RIMS1: variants seen among roughly 807,000 people sequenced by gnomAD.
The protein encoded by RIMS1 is regulating synaptic membrane exocytosis 1.
A neutral mutation model predicts 214.1 loss-of-function variants in RIMS1; 83 were observed. The observed-to-expected ratio is 0.39, with a 90% CI of 0.32 to 0.47. The LOEUF (loss-of-function observed/expected upper bound fraction) is 0.47, where lower values mean the gene tolerates loss of function less well. Ranked by LOEUF, RIMS1 falls within the 20% of genes least tolerant of loss-of-function variation. The pLI is 0.99. For synonymous variants in RIMS1, 793 were observed against 786.8 expected (o/e 1.01, Z -0.13); for missense variants, 2,050 against 2,161.8 (o/e 0.95, Z 1.03).
chr6:72,065,644 A>C (rs900003213), intron 2 of RIMS1, among the ~76,000 whole-genome samples: 1 of 152,118 alleles, frequency 6.6e-6, no homozygotes, highest in African/African-American at 2.4e-5. Context: ...ACTTTATCAA[A>C]GGTTTTGCCT....
rs1178547921 is a variant in RIMS1 at position 72,163,111 on chromosome 6, C to T, written c.472-16464C>T. Among the ~76,000 whole-genome samples, 12 of 139,044 alleles carry T rather than the reference C, an allele frequency of 8.6e-5. 1 individual carries two copies. Among genetic ancestry groups the T allele is most frequent in the African/African-American group, 3.0e-4 (12 of 40,420 alleles). 91.2% of individuals were successfully genotyped at this position (139,044 alleles called of 152,430 possible). On this transcript the variant is annotated intron_variant, in intron 4 of 33. Transcript: ENST00000521978. ...TCTTTTTATTATTTTTTTCTCTAAT[C>T]TTCTCTTCTCACTTCATTTCATTTC...
chr6:71,936,141 G>A (rs1453458912), intron 1 of RIMS1, among the ~76,000 whole-genome samples: 1 of 151,666 alleles, frequency 6.6e-6, no homozygotes, highest in African/African-American at 2.4e-5. Flanking sequence ...ACGAGGTCAG[G>A]AGATCGAGAC....
intron 2 of RIMS1, among the ~76,000 whole-genome samples, chr6:72,037,649 C>T (rs774794845): frequency 2.6e-5 from 4 of 152,024 alleles, no homozygotes; most frequent in Non-Finnish European, 5.9e-5. Flanking sequence ...GTAAACATAT[C>T]CATCACCTTC....
At chr6:71,977,021 C>T (rs200109370) in intron 2 of RIMS1, among the ~76,000 whole-genome samples, 35 of 152,198 alleles carry the variant, frequency 2.3e-4, no homozygotes, top group Middle Eastern at 3.4e-3. Context: ...CTTCAGACTG[C>T]GTGGTCTAAT....
In RIMS1 at chr6:72,107,443, A is replaced by G. The variant is rs184180784; in HGVS notation, c.471+7457A>G. ...AGGCGTGGTGGCAGGTGCCTGTACT[A>G]CCAGCTACTTGGGAGGCTGAAGTGG... On this transcript the variant is annotated intron_variant, in intron 4 of 33. Coordinates refer to ENST00000521978, the MANE Select transcript of RIMS1 (RefSeq NM_014989.7). 1.4e-3 allele frequency among the ~76,000 whole-genome samples: 214 copies of G among 152,150 alleles called. 1 individual carries two copies. Among genetic ancestry groups the G allele is most frequent in the African/African-American group, 4.8e-3 (198 of 41,520 alleles).
intron 29 of RIMS1, among the ~76,000 whole-genome samples, chr6:72,335,731 T>TGTTTC: frequency 1.3e-5 from 2 of 152,076 alleles, no homozygotes; most frequent in South Asian, 4.2e-4. Flanking sequence ...CTCTCAAGCA[T>TGTTTC]CTGTTGTTTC....
chr6:72,354,053 C>T (rs545576169), intron 29 of RIMS1, among the ~76,000 whole-genome samples: 5 of 152,208 alleles, frequency 3.3e-5, no homozygotes, highest in East Asian at 3.9e-4. Context: ...AACCCCGTCT[C>T]TACTGCAAAT....
At chr6:71,974,517 C>T (rs546979165) in intron 2 of RIMS1, among the ~76,000 whole-genome samples, 1 of 152,106 alleles carries the variant, frequency 6.6e-6, no homozygotes, top group Admixed American at 6.6e-5. Context: ...TTTAAAAAGT[C>T]CGAGAAAGAC....
At chr6:71,979,811 A>G (rs577802837) in intron 2 of RIMS1, among the ~76,000 whole-genome samples, 2 of 152,152 alleles carry the variant, frequency 1.3e-5, no homozygotes, top group Non-Finnish European at 2.9e-5. Context: ...GTATTTGGAA[A>G]ATTTTCCTAA....
At chr6:71,921,665 C>T (rs537435141) in intron 1 of RIMS1, among the ~76,000 whole-genome samples, 1 of 152,082 alleles carries the variant, frequency 6.6e-6, no homozygotes, top group Admixed American at 6.6e-5. Flanking sequence ...TTTTTGAAGG[C>T]TTTTTTCATA....
intron 23 of RIMS1, among the ~76,000 whole-genome samples, chr6:72,275,143 T>C (rs1426606033): frequency 1.2e-4 from 1 of 8,002 alleles, no homozygotes; most frequent in Middle Eastern, 0.024. Context: ...TATATATATA[T>C]ATATATATAT....
At chr6:71,914,560 G>A (rs1479640166) in intron 1 of RIMS1, among the ~76,000 whole-genome samples, 1 of 152,080 alleles carries the variant, frequency 6.6e-6, no homozygotes, top group Non-Finnish European at 1.5e-5. Context: ...TATGTTAAGA[G>A]TAATTTAGAT....
intron 12 of RIMS1, among the ~76,000 whole-genome samples, chr6:72,249,956 T>A (rs1019801672): frequency 1.5e-4 from 23 of 152,290 alleles, no homozygotes; most frequent in Admixed American, 1.5e-3. Context: ...TTAGTCACGC[T>A]ATAATAATTT....
chr6:72,033,804 G>T (rs1363809548), intron 2 of RIMS1, among the ~76,000 whole-genome samples: 2 of 151,954 alleles, frequency 1.3e-5, no homozygotes, highest in East Asian at 1.9e-4. Context: ...TTGTTGTTTG[G>T]CATGAACATT....
chr6:72,369,216 T>G (rs2098138861), intron 29 of RIMS1, among the ~76,000 whole-genome samples: 1 of 151,770 alleles, frequency 6.6e-6, no homozygotes, highest in South Asian at 2.1e-4. Context: ...AATCTCAATA[T>G]GGGAAGACCA....
chr6:72,356,567 T>C (rs899380001), intron 29 of RIMS1, among the ~76,000 whole-genome samples: 1 of 151,094 alleles, frequency 6.6e-6, no homozygotes, highest in Non-Finnish European at 1.5e-5. Flanking sequence ...AAGACCAGTC[T>C]GGCTAACATG....
intron 6 of RIMS1, among the ~76,000 whole-genome samples, chr6:72,185,799 T>A (rs2049014436): frequency 1.3e-5 from 2 of 152,202 alleles, no homozygotes; most frequent in South Asian, 4.1e-4. Flanking sequence ...TTACACCAGG[T>A]GTGCCTGCCT....
chr6:72,261,139 CA>C, intron 19 of RIMS1: 6 of 1,066,422 alleles, frequency 5.6e-6, no homozygotes, highest in East Asian at 8.0e-5. Context: ...CTGTGTATGG[CA>C]GTGTCATTGT....
intron 1 of RIMS1, among the ~76,000 whole-genome samples, chr6:71,942,724 A>G (rs1208956700): frequency 6.6e-6 from 1 of 152,044 alleles, no homozygotes; most frequent in Non-Finnish European, 1.5e-5. Context: ...CAAAAAAATT[A>G]GCTTTGAATC....
Sources: gnomAD v4.1 joint callset for allele counts (sites outside exome capture counted in the v4.1 genomes callset) on GRCh38, gnomAD v4.1.1 for gene constraint, MANE v1.5 for transcripts, NCBI Gene and HGNC (gene_info 2026-07-23, HGNC 2026-07-21) for gene names.